TMEM120B: variants seen among roughly 807,000 people sequenced by gnomAD.
The protein encoded by TMEM120B is transmembrane protein 120B.
Under a neutral mutation model 55.5 loss-of-function variants are expected in TMEM120B, and 31 were observed. The observed-to-expected ratio is 0.56, with a 90% CI of 0.42 to 0.75. The LOEUF is 0.75. TMEM120B is among the 30% of genes least tolerant of loss of function. TMEM120B has a pLI of 0.00. For missense variants in TMEM120B, 399 were observed against 425.5 expected (o/e 0.94, Z 0.55); for synonymous variants, 203 against 176.3 (o/e 1.15, Z -1.20).
rs1312147544 is a variant in TMEM120B at position 121,750,442 on chromosome 12, A to G, written c.365+3A>G. On this transcript the variant is annotated splice_donor_region_variant and intron_variant, in intron 4 of 11. Transcript: ENST00000449592. ...ACCCTCCTCAGCAACCAGGCCAAGT[A>G]AGTGTCCCCCACCCACCACCCAGAC... 6.2e-6 allele frequency: 10 copies of G among 1,610,802 alleles called. No homozygotes were observed. Among genetic ancestry groups the G allele is most frequent in the Non-Finnish European group, 8.5e-6 (10 of 1,178,632 alleles).
At chr12:121,731,938 A>C (rs1592928443) in intron 1 of TMEM120B, among the ~76,000 whole-genome samples, 1 of 152,138 alleles carries the variant, frequency 6.6e-6, no homozygotes, top group African/African-American at 2.4e-5. Context: ...GGAGTTTGAG[A>C]CCAGCCTGGC....
chr12:121,715,224 C>G (rs2942379), intron 1 of TMEM120B, among the ~76,000 whole-genome samples: 3 of 151,678 alleles, frequency 2.0e-5, no homozygotes, highest in Non-Finnish European at 2.9e-5. Context: ...AATCCCAGAT[C>G]CTCGAGTGGC....
At chr12:121,734,073 G>GT (rs1391542668) in intron 1 of TMEM120B, among the ~76,000 whole-genome samples, 2 of 152,206 alleles carry the variant, frequency 1.3e-5, no homozygotes, top group African/African-American at 4.8e-5. Flanking sequence ...GGTGAGTGGT[G>GT]TTTTTTATCT....
At chr12:121,766,766 G>A (rs1873863996) in intron 6 of TMEM120B, among the ~76,000 whole-genome samples, 2 of 152,238 alleles carry the variant, frequency 1.3e-5, no homozygotes, top group South Asian at 4.1e-4. Flanking sequence ...AGGATGGGCT[G>A]TGATCAGCAA....
chr12:121,775,101 T>A lies in TMEM120B; in HGVS notation c.877T>A (p.Ser293Thr). 1 of 1,348,702 alleles carries A rather than the reference T, an allele frequency of 7.4e-7. No homozygotes were observed. The highest frequency in any genetic ancestry group is 9.8e-7 in the Non-Finnish European group (1 of 1,020,810). 83.5% of individuals were successfully genotyped at this position (1,348,702 alleles called of 1,614,324 possible). A position where few individuals can be genotyped will look rare whatever the true frequency, so the allele number is the denominator to read the frequency against. The change falls in exon 11 of 12, where the codon TCC (serine) becomes ACC (threonine). Residue 293 changes from serine to threonine, a missense_variant. Transcript: ENST00000449592. This position sits in a 1 kb window ranked among gnomAD's most constrained non-coding sequence, Gnocchi z 4.3. ...LYNAVTLFEL[S>T]SHEECREWQV... ...CAATGCCGTCACGCTGTTTGAGCTC[T>A]CCAGCCACGAGGAATGCAGAGAATG...
intron 4 of TMEM120B, 93 bp downstream of exon 4, chr12:121,750,532 C>T: frequency 1.0e-6 from 1 of 954,594 alleles, no homozygotes; most frequent in Non-Finnish European, 1.6e-6. Flanking sequence ...AACCCACACC[C>T]CACATCCACA....
intron 5 of TMEM120B, among the ~76,000 whole-genome samples, chr12:121,754,975 C>T (rs1016172761): frequency 6.6e-6 from 1 of 152,148 alleles, no homozygotes; most frequent in Admixed American, 6.6e-5. Context: ...GTGACAGGAG[C>T]TACTTGGCAG....
At chr12:121,750,481 C>G (rs374007954) in intron 4 of TMEM120B, 42 bp downstream of exon 4, 301 of 1,535,528 alleles carry the variant, frequency 2.0e-4, no homozygotes, top group Admixed American at 3.1e-4. Context: ...CACCTCACAC[C>G]GCCCCCACAC....
intron 1 of TMEM120B, among the ~76,000 whole-genome samples, chr12:121,721,098 A>C (rs1894781663): frequency 6.6e-6 from 1 of 152,226 alleles, no homozygotes; most frequent in Admixed American, 6.6e-5. Context: ...TGTGTCTTCT[A>C]CATGCGGAGG....
chr12:121,737,741 GTC>G (rs1344820866), intron 1 of TMEM120B, among the ~76,000 whole-genome samples: 1 of 152,072 alleles, frequency 6.6e-6, no homozygotes, highest in African/African-American at 2.4e-5. Context: ...CAGGTGCAGT[GTC>G]TCACATCTGT....
At chr12:121,745,136 C>T (rs1873043521) in intron 2 of TMEM120B, among the ~76,000 whole-genome samples, 2 of 152,164 alleles carry the variant, frequency 1.3e-5, no homozygotes, top group South Asian at 4.1e-4. Flanking sequence ...AAGATCTCTC[C>T]AGGCATTGCC....
At chr12:121,765,007 T>C (rs1343576384) in intron 6 of TMEM120B, among the ~76,000 whole-genome samples, 1 of 152,146 alleles carries the variant, frequency 6.6e-6, no homozygotes, top group Non-Finnish European at 1.5e-5. Context: ...CCATCTGCCA[T>C]TCATCAGACA....
At chr12:121,719,646 A>G (rs1314631778) in intron 1 of TMEM120B, among the ~76,000 whole-genome samples, 2 of 151,988 alleles carry the variant, frequency 1.3e-5, no homozygotes, top group African/African-American at 4.8e-5. Flanking sequence ...TTAAATTGCT[A>G]ACGGGGGTAG....
In TMEM120B at chr12:121,775,768, G is replaced by T. The variant is rs756859498; in HGVS notation, c.*46G>T. Reference sequence around the variant, plus strand: ...CGGCCCGGACTTCAGACTGCAGGGGGCTCCCGGGCTCCTTCCCAGCAGCCC... The same window carrying T: ...CGGCCCGGACTTCAGACTGCAGGGGTCTCCCGGGCTCCTTCCCAGCAGCCC... On this transcript the variant is annotated 3_prime_UTR_variant, in exon 12 of 12. Coordinates refer to ENST00000449592, the MANE Select transcript of TMEM120B (RefSeq NM_001080825.2). This position sits in a 1 kb window ranked among gnomAD's most constrained non-coding sequence, Gnocchi z 4.3. 4.4e-6 allele frequency: 7 copies of T among 1,597,380 alleles called. No individual in the cohort carries two copies. Among genetic ancestry groups the T allele is most frequent in the Non-Finnish European group, 5.1e-6 (6 of 1,168,896 alleles).
At position 121,780,976 on chromosome 12, in the gene TMEM120B, C is replaced by T. The variant is rs374364975; in HGVS notation, c.*5254C>T. Reference sequence around the variant, plus strand: ...CAGCCGATGAGCACCATGGGGATCCCGCGGCAGAAATGCGTGACCTCAGGG... The same window carrying T: ...CAGCCGATGAGCACCATGGGGATCCTGCGGCAGAAATGCGTGACCTCAGGG... On this transcript the variant is annotated 3_prime_UTR_variant, in exon 12 of 12. Coordinates refer to ENST00000449592, the MANE Select transcript of TMEM120B (RefSeq NM_001080825.2). 10 of 1,613,788 alleles carry T rather than the reference C, an allele frequency of 6.2e-6. No individual in the cohort carries two copies. The highest frequency in any genetic ancestry group is 2.2e-5 in the South Asian group (2 of 91,070).
In TMEM120B at chr12:121,779,525, C is replaced by G. The variant is rs1566530501; in HGVS notation, c.*3803C>G. ...AGAGCAGCAGGCAGAGCCGGCGCTT[C>G]TTCTGCCGTTGCGCCTTCTTCAGAG... is the stretch of plus-strand genomic sequence containing the variant. On this transcript the variant is annotated 3_prime_UTR_variant, in exon 12 of 12. Coordinates refer to ENST00000449592, the MANE Select transcript of TMEM120B (RefSeq NM_001080825.2). 1 of 1,613,264 alleles carries G rather than the reference C, an allele frequency of 6.2e-7. No homozygotes were observed. The highest frequency in any genetic ancestry group is 1.7e-5 in the Admixed American group (1 of 60,028).
At chr12:121,740,187 TAAAG>T (rs1258139115) in intron 1 of TMEM120B, among the ~76,000 whole-genome samples, 27 of 152,050 alleles carry the variant, frequency 1.8e-4, no homozygotes, top group Admixed American at 1.3e-4. Context: ...ATTCTTACAA[TAAAG>T]AAAGCTAGAG....
chr12:121,771,289 G>C (rs752274723), intron 7 of TMEM120B, among the ~76,000 whole-genome samples, 199 bp from the exon 8 acceptor site: 1 of 152,128 alleles, frequency 6.6e-6, no homozygotes, highest in South Asian at 2.1e-4. Flanking sequence ...GCTTCTGCAC[G>C]GCCATGTGGA....
intron 1 of TMEM120B, among the ~76,000 whole-genome samples, chr12:121,721,779 T>C (rs1007608633): frequency 6.7e-6 from 1 of 150,208 alleles, no homozygotes; most frequent in Non-Finnish European, 1.5e-5. Context: ...TGGCCCTCCT[T>C]TTTTTTTGAA....
Sources: allele counts gnomAD v4.1 joint callset (sites outside exome capture counted in the v4.1 genomes callset), GRCh38; gene constraint gnomAD v4.1.1; non-coding constraint Gnocchi (gnomAD v3.1); transcripts MANE v1.5; gene names NCBI Gene and HGNC (gene_info 2026-07-23, HGNC 2026-07-21).